PPP1R9A: variants seen among roughly 807,000 people sequenced by gnomAD.
PPP1R9A encodes neurabin-1.
PPP1R9A carries 59 observed loss-of-function variants against 141.9 expected under a neutral mutation model. The ratio of observed to expected loss-of-function variants is 0.42; its 90% confidence interval spans 0.34 to 0.52. PPP1R9A has a LOEUF of 0.52. Among genes scored for constraint, PPP1R9A ranks in the 20% least tolerant of loss-of-function variants. The probability of loss-of-function intolerance (pLI) is 0.10; values close to 1 mark genes in which losing one functional copy is unlikely to be tolerated. For missense variants in PPP1R9A, 1,444 were observed against 1,611.9 expected (o/e 0.90, Z 1.78); for synonymous variants, 500 against 569.7 (o/e 0.88, Z 1.74).
intron 2 of PPP1R9A, among the ~76,000 whole-genome samples, chr7:95,081,151 C>T (rs536343809): frequency 6.6e-6 from 1 of 151,900 alleles, no homozygotes; most frequent in Admixed American, 6.6e-5. Context: ...TAACCACATC[C>T]CAGAAAAAAA....
At chr7:95,200,440 T>A (rs377026249) in intron 6 of PPP1R9A, among the ~76,000 whole-genome samples, 2 of 147,032 alleles carry the variant, frequency 1.4e-5, no homozygotes. Flanking sequence ...TCCTGCTAAT[T>A]AAAAAAAAAA....
chr7:95,054,118 T>TG (rs1469004039), intron 2 of PPP1R9A, among the ~76,000 whole-genome samples: 1 of 150,930 alleles, frequency 6.6e-6, no homozygotes, highest in Non-Finnish European at 1.5e-5. Context: ...CACTGTGTTT[T>TG]TTTTTTTTTT....
At chr7:95,149,704 T>C (rs1828295554) in intron 4 of PPP1R9A, among the ~76,000 whole-genome samples, 1 of 132,166 alleles carries the variant, frequency 7.6e-6, no homozygotes, top group Admixed American at 7.8e-5. Context: ...ACTACAAAAC[T>C]GTGATCAAAG....
chr7:95,054,019 A>G (rs1316354800), intron 2 of PPP1R9A, among the ~76,000 whole-genome samples: 3 of 152,178 alleles, frequency 2.0e-5, no homozygotes, highest in Non-Finnish European at 2.9e-5. Context: ...TAGACAGTTT[A>G]TGTTGAGTAT....
At chr7:94,966,313 C>G (rs1798208431) in intron 2 of PPP1R9A, among the ~76,000 whole-genome samples, 1 of 151,888 alleles carries the variant, frequency 6.6e-6, no homozygotes, top group African/African-American at 2.4e-5. Context: ...GTGTGAATAC[C>G]TTTATTTCTT....
At chr7:95,211,604 A>G (rs11767065) in intron 7 of PPP1R9A, among the ~76,000 whole-genome samples, 77,797 of 151,906 alleles carry the variant, frequency 0.51, 20,336 homozygotes, top group African/African-American at 0.62. Context: ...CCTTGATGAA[A>G]CATGTTATAT....
At chr7:95,075,137 T>C (rs1814647667) in intron 2 of PPP1R9A, among the ~76,000 whole-genome samples, 1 of 152,242 alleles carries the variant, frequency 6.6e-6, no homozygotes, top group African/African-American at 2.4e-5. Context: ...TATTATTGAC[T>C]TCTCTTCCTT....
chr7:94,996,510 G>A (rs1000692362), intron 2 of PPP1R9A, among the ~76,000 whole-genome samples: 11 of 152,110 alleles, frequency 7.2e-5, no homozygotes, highest in African/African-American at 2.7e-4. Context: ...TGATACTGAT[G>A]TGGCTTTGGT....
Position 95,296,146 on chromosome 7 carries a change from G to C in PPP1R9A, c.*5843G>C, listed in dbSNP as rs530868420. On this transcript the variant is annotated 3_prime_UTR_variant, in exon 20 of 20. Transcript: ENST00000433360. The stretch of plus-strand genomic sequence containing the variant: ...GATGTCTGATCATTTGCATGGAAGA[G>C]ACAATAGTGCCACGTCTGAATTGTT... The C allele has an allele frequency of 6.5e-6, 1 of 152,708 alleles. No homozygotes were observed. Among genetic ancestry groups the C allele is most frequent in the East Asian group, 1.9e-4 (1 of 5,186 alleles). The allele number at this position is 152,708 out of a possible 1,614,324, so 9.5% of individuals were successfully genotyped here.
Position 95,290,620 on chromosome 7 carries a change from T to G in PPP1R9A, c.*317T>G. The G allele has an allele frequency of 3.4e-6, 1 of 297,812 alleles. No homozygotes were observed. Among genetic ancestry groups the G allele is most frequent in the Non-Finnish European group, 6.4e-6 (1 of 155,534 alleles). The allele number at this position is 297,812 out of a possible 1,614,324, so 18.4% of individuals were successfully genotyped here. Reference sequence around the variant, plus strand: ...TGTGTTTTGTCACTTGGAGAACTAGTGTGACCCCACCCAAGAGCATGACAC... The same window carrying G: ...TGTGTTTTGTCACTTGGAGAACTAGGGTGACCCCACCCAAGAGCATGACAC... On this transcript the variant is annotated 3_prime_UTR_variant, in exon 20 of 20. Coordinates refer to ENST00000433360, the MANE Select transcript of PPP1R9A (RefSeq NM_001166160.2).
intron 4 of PPP1R9A, among the ~76,000 whole-genome samples, chr7:95,123,555 G>C (rs919551496): frequency 1.3e-5 from 2 of 152,080 alleles, no homozygotes; most frequent in African/African-American, 4.8e-5. Context: ...AGACTGAGGC[G>C]GGAGAATCGC....
At chr7:94,976,983 A>T (rs1235240783) in intron 2 of PPP1R9A, among the ~76,000 whole-genome samples, 1 of 152,142 alleles carries the variant, frequency 6.6e-6, no homozygotes, top group Non-Finnish European at 1.5e-5. Flanking sequence ...GGTAGATCCA[A>T]CTTGGCTAAC....
At chr7:95,236,665 A>G (rs1411791761) in intron 8 of PPP1R9A, among the ~76,000 whole-genome samples, 1 of 147,278 alleles carries the variant, frequency 6.8e-6, no homozygotes, top group African/African-American at 2.5e-5. Context: ...CTAGCTTTTT[A>G]GTTCCTAATT....
intron 4 of PPP1R9A, among the ~76,000 whole-genome samples, chr7:95,151,424 T>C (rs1366979616): frequency 6.6e-6 from 1 of 152,192 alleles, no homozygotes; most frequent in Non-Finnish European, 1.5e-5. Flanking sequence ...TGCAAAACTA[T>C]GGAGACAGTA....
At chr7:95,084,430 T>A (rs1197491665) in intron 2 of PPP1R9A, among the ~76,000 whole-genome samples, 1 of 152,044 alleles carries the variant, frequency 6.6e-6, no homozygotes, top group Non-Finnish European at 1.5e-5. Context: ...ACATAGAACA[T>A]ATAGTATGAC....
At chr7:95,088,979 A>G (rs1271022404) in intron 2 of PPP1R9A, among the ~76,000 whole-genome samples, 3 of 152,010 alleles carry the variant, frequency 2.0e-5, no homozygotes, top group Non-Finnish European at 2.9e-5. Flanking sequence ...CCTCGTTTTT[A>G]CAGATGAGGA....
intron 2 of PPP1R9A, among the ~76,000 whole-genome samples, chr7:94,950,070 A>C (rs908978609): frequency 2.0e-5 from 3 of 152,084 alleles, no homozygotes; most frequent in African/African-American, 7.2e-5. Flanking sequence ...TATCTATTGC[A>C]CAAGAAGAAT....
intron 2 of PPP1R9A, among the ~76,000 whole-genome samples, chr7:95,047,860 A>G (rs895108867): frequency 6.6e-6 from 1 of 152,206 alleles, no homozygotes; most frequent in African/African-American, 2.4e-5. Context: ...TTTTACAAAA[A>G]TGTATGCTGT....
At chr7:95,190,037 C>A (rs1292032683) in intron 5 of PPP1R9A, among the ~76,000 whole-genome samples, 1 of 152,104 alleles carries the variant, frequency 6.6e-6, no homozygotes. Context: ...CTTCTGAATT[C>A]TTTATCTGGC....
Sources: allele counts gnomAD v4.1 joint callset (sites outside exome capture counted in the v4.1 genomes callset), GRCh38; gene constraint gnomAD v4.1.1; transcripts MANE v1.5; gene names NCBI Gene and HGNC (gene_info 2026-07-23, HGNC 2026-07-21).